Variants in HELLS observed in about 807,000 individuals in gnomAD.
HELLS encodes the protein helicase, lymphoid specific.
In HELLS, 32 loss-of-function variants were observed where a neutral mutation model predicts 120.0. The observed-to-expected ratio is 0.27, with a 90% confidence interval of 0.20 to 0.36. The LOEUF (loss-of-function observed/expected upper bound fraction) is 0.36. HELLS is among the 10% of genes least tolerant of loss of function. The probability of loss-of-function intolerance (pLI) is 1.00; values close to 1 mark genes in which losing one functional copy is unlikely to be tolerated. For synonymous variants in HELLS, 341 were observed against 323.4 expected (o/e 1.05, Z -0.58); for missense variants, 650 against 993.4 (o/e 0.65, Z 4.65).
intron 9 of HELLS, among the ~76,000 whole-genome samples, chr10:94,576,195 C>T (rs1370089961): frequency 6.6e-6 from 1 of 152,078 alleles, no homozygotes. Flanking sequence ...CTCACTGTGG[C>T]CTTCACCTCC....
At position 94,553,843 on chromosome 10, in the gene HELLS, C is replaced by T. The variant is rs115452589; in HGVS notation, c.154-283C>T. 4.1e-3 allele frequency among the ~76,000 whole-genome samples: 628 copies of T among 152,222 alleles called. 5 individuals are homozygous for T. Among genetic ancestry groups the T allele is most frequent in the African/African-American group, 0.014 (592 of 41,544 alleles). Reference sequence around the variant, plus strand: ...GATTACAGGTGTGAGTCACCGCACCCGGCCTTCAATTGTTTTTTAAATGGA... The same window carrying T: ...GATTACAGGTGTGAGTCACCGCACCTGGCCTTCAATTGTTTTTTAAATGGA... On this transcript the variant is annotated intron_variant, in intron 2 of 21. Coordinates refer to ENST00000348459, the MANE Select transcript of HELLS (RefSeq NM_018063.5).
chr10:94,573,885 T>C, intron 7 of HELLS, 75 bp from the exon 8 acceptor site: 2 of 799,258 alleles, frequency 2.5e-6, no homozygotes, highest in East Asian at 2.4e-5. Flanking sequence ...ATTTTGTTAG[T>C]TGCATTTTCT....
rs972699058 is a variant in HELLS at position 94,545,963 on chromosome 10, A to G, written c.31+11A>G. On this transcript the variant is annotated intron_variant, in intron 1 of 21. Coordinates refer to ENST00000348459, the MANE Select transcript of HELLS (RefSeq NM_018063.5). ...CCGCGGGCAGCGGCGGTGAGTGAGG[A>G]AAACCTTTTGGGCGCGGGTGGCAGC... is the stretch of plus-strand genomic sequence containing the variant. The G allele has an allele frequency of 1.1e-5, 17 of 1,556,068 alleles. No homozygotes were observed. Among genetic ancestry groups the G allele is most frequent in the Non-Finnish European group, 1.5e-5 (17 of 1,149,204 alleles).
At chr10:94,585,414 T>G (rs1845089008) in intron 12 of HELLS, among the ~76,000 whole-genome samples, 2 of 149,558 alleles carry the variant, frequency 1.3e-5, no homozygotes, top group Admixed American at 1.3e-4. Context: ...TGGTTTTTTT[T>G]TTTTGAGACA....
At chr10:94,569,333 CCACCA>C (rs1844011890) in intron 6 of HELLS, 1 of 151,972 alleles carries the variant, frequency 6.6e-6, no homozygotes, top group African/African-American at 2.4e-5. Context: ...CAAGTGCCCA[CCACCA>C]CGCCCAGCTA....
chr10:94,600,293 A>T (rs1178179335), intron 21 of HELLS, among the ~76,000 whole-genome samples: 1 of 52,648 alleles, frequency 1.9e-5, no homozygotes, highest in South Asian at 1.0e-3. Context: ...TCTGTCTCTT[A>T]AAAAAAAAAA....
At chr10:94,570,782 C>G (rs564143701) in intron 6 of HELLS, 11 of 152,112 alleles carry the variant, frequency 7.2e-5, no homozygotes, top group African/African-American at 2.7e-4. Context: ...TTGCCTCTTA[C>G]CCAGGAATGC....
intron 7 of HELLS, among the ~76,000 whole-genome samples, 174 bp downstream of exon 7, chr10:94,571,603 G>A (rs111912182): frequency 6.6e-6 from 1 of 151,536 alleles, no homozygotes; most frequent in Non-Finnish European, 1.5e-5. Context: ...TCTTTTTTAT[G>A]TATCAACTTT....
downstream of HELLS, among the ~76,000 whole-genome samples, chr10:94,606,824 T>G (rs534497988): frequency 1.3e-5 from 2 of 152,202 alleles, no homozygotes; most frequent in African/African-American, 4.8e-5. Flanking sequence ...CTCTCTAAGC[T>G]CCATGCATGA....
intron 21 of HELLS, among the ~76,000 whole-genome samples, chr10:94,599,297 A>G (rs1845911245): frequency 6.6e-6 from 1 of 152,246 alleles, no homozygotes; most frequent in African/African-American, 2.4e-5. Context: ...ATGGAGAACT[A>G]GATGATCACC....
chr10:94,571,484 A>G, intron 7 of HELLS, 55 bp downstream of exon 7: 1 of 1,366,112 alleles, frequency 7.3e-7, no homozygotes, highest in Non-Finnish European at 1.0e-6. Flanking sequence ...CTCCTCAGTT[A>G]CTAGTCCTTT....
chr10:94,570,098 A>G (rs1189437554), intron 6 of HELLS: 1 of 149,548 alleles, frequency 6.7e-6, no homozygotes, highest in African/African-American at 2.5e-5. Context: ...GGTGGAGTGC[A>G]GTGGTGCCAT....
At position 94,601,590 on chromosome 10, in the gene HELLS, T is replaced by A; in HGVS notation, c.2485T>A (p.Ser829Thr). The A allele has an allele frequency of 6.3e-7, 1 of 1,585,426 alleles. No homozygotes were observed. The highest frequency in any genetic ancestry group is 1.1e-5 in the South Asian group (1 of 88,228). ...KMGIFKILEN[S>T]EDSSPECLF Reference sequence around the variant, plus strand: ...GGGGATATTCAAGATATTAGAAAATTCTGAAGATTCCAGTCCTGAATGTTT... The same window carrying A: ...GGGGATATTCAAGATATTAGAAAATACTGAAGATTCCAGTCCTGAATGTTT... Residue 829 changes from serine (S) to threonine (T), a missense_variant, in exon 22 of 22, where the codon TCT (serine) becomes ACT (threonine). By Grantham distance (58) the Ser-to-Thr change is moderately conservative. Transcript: ENST00000348459.
At chr10:94,605,963 G>A (rs1846124362), downstream of HELLS, among the ~76,000 whole-genome samples, 1 of 151,944 alleles carries the variant, frequency 6.6e-6, no homozygotes, top group Non-Finnish European at 1.5e-5. Context: ...GTCTGTTGAA[G>A]GTGGGGGGAA....
chr10:94,552,853 C>T (rs1440286185), intron 2 of HELLS, among the ~76,000 whole-genome samples: 1 of 152,054 alleles, frequency 6.6e-6, no homozygotes. Context: ...GTGGCATCTG[C>T]CTAGAGTCCC....
intron 4 of HELLS, among the ~76,000 whole-genome samples, chr10:94,562,397 C>T (rs1843603511): frequency 6.6e-6 from 1 of 151,974 alleles, no homozygotes; most frequent in Non-Finnish European, 1.5e-5. Flanking sequence ...GAGTGAAACT[C>T]CGTCTCCAAA....
intron 6 of HELLS, among the ~76,000 whole-genome samples, chr10:94,565,814 A>G (rs1050829841): frequency 1.1e-4 from 17 of 152,192 alleles, no homozygotes; most frequent in African/African-American, 4.1e-4. Flanking sequence ...GGTGGATGAA[A>G]TCCATTAGTA....
intron 3 of HELLS, among the ~76,000 whole-genome samples, chr10:94,554,720 C>T (rs1843166760): frequency 6.7e-6 from 1 of 148,348 alleles, no homozygotes; most frequent in Non-Finnish European, 1.5e-5. Flanking sequence ...AGGATGGGAG[C>T]CTAAGAAAGA....
chr10:94,602,716 GT>G (rs1846077027), downstream of HELLS, among the ~76,000 whole-genome samples: 1 of 151,978 alleles, frequency 6.6e-6, no homozygotes, highest in Non-Finnish European at 1.5e-5. Context: ...TATTTTAATC[GT>G]TTTGAGGTAC....
Sources: gnomAD v4.1 joint callset for allele counts (sites outside exome capture counted in the v4.1 genomes callset) on GRCh38, gnomAD v4.1.1 for gene constraint, MANE v1.5 for transcripts, NCBI Gene and HGNC (gene_info 2026-07-23, HGNC 2026-07-21) for gene names.